Variants in TOX observed in about 807,000 individuals in gnomAD.
The protein encoded by TOX is thymocyte selection associated high mobility group box, also known as thymocyte selection-associated high mobility group box protein TOX.
In TOX, 11 loss-of-function variants were observed where a neutral mutation model predicts 53.7. That is an observed-to-expected ratio of 0.20 (90% confidence interval 0.13 to 0.34). The LOEUF (loss-of-function observed/expected upper bound fraction) is 0.34, where lower values mean the gene tolerates loss of function less well. Ranked by LOEUF, TOX falls within the 10% of genes least tolerant of loss-of-function variation. The pLI, the probability that TOX is intolerant of heterozygous loss-of-function variation, is 1.00. For missense variants in TOX, 570 were observed against 664.6 expected, an observed-to-expected ratio of 0.86 and a Z score of 1.56; for synonymous variants, 225 against 245.3, an observed-to-expected ratio of 0.92 and a Z score of 0.77.
chr8:58,957,844 A>G (rs1274542037), intron 2 of TOX, among the ~76,000 whole-genome samples: 1 of 152,190 alleles, frequency 6.6e-6, no homozygotes, highest in Non-Finnish European at 1.5e-5. Context: ...CTAAAATCTT[A>G]TTTATGGTTG....
At chr8:59,071,464 A>G (rs1461612415) in intron 1 of TOX, among the ~76,000 whole-genome samples, 1 of 152,216 alleles carries the variant, frequency 6.6e-6, no homozygotes, top group Non-Finnish European at 1.5e-5. Flanking sequence ...TCAAGTTCCA[A>G]CGGCAGCTTG....
At chr8:58,947,634 A>G (rs1812545762) in intron 2 of TOX, among the ~76,000 whole-genome samples, 1 of 152,222 alleles carries the variant, frequency 6.6e-6, no homozygotes, top group African/African-American at 2.4e-5. Context: ...TGTTATAAAG[A>G]TAGTGAATTA....
intron 1 of TOX, among the ~76,000 whole-genome samples, chr8:59,097,747 T>C (rs1215346611): frequency 2.0e-5 from 3 of 152,234 alleles, no homozygotes; most frequent in Non-Finnish European, 2.9e-5. Flanking sequence ...GAATTAAAGA[T>C]AATTTTAGAG....
intron 3 of TOX, among the ~76,000 whole-genome samples, chr8:58,862,770 T>C (rs545184484): frequency 1.3e-5 from 2 of 152,292 alleles, no homozygotes; most frequent in South Asian, 4.1e-4. Flanking sequence ...AGTAGGTCTT[T>C]AATCCTAAAT....
intron 1 of TOX, among the ~76,000 whole-genome samples, chr8:59,031,759 G>A (rs1303940027): frequency 6.6e-6 from 1 of 152,210 alleles, no homozygotes; most frequent in African/African-American, 2.4e-5. Context: ...GAGCGAGCAG[G>A]TTGGGCTGTG....
At chr8:59,052,148 T>C (rs745947624) in intron 1 of TOX, among the ~76,000 whole-genome samples, 3 of 152,200 alleles carry the variant, frequency 2.0e-5, no homozygotes, top group African/African-American at 7.2e-5. Context: ...CCTACTTTTA[T>C]ACAGAAACAA....
chr8:58,966,287 T>C (rs1812898117), intron 1 of TOX, among the ~76,000 whole-genome samples: 1 of 152,076 alleles, frequency 6.6e-6, no homozygotes, highest in African/African-American at 2.4e-5. Flanking sequence ...TGGATCACAC[T>C]GAAAGGAAAG....
At chr8:59,091,172 A>G (rs1179131428) in intron 1 of TOX, among the ~76,000 whole-genome samples, 1 of 151,966 alleles carries the variant, frequency 6.6e-6, no homozygotes, top group Non-Finnish European at 1.5e-5. Context: ...CAAAGCCTCA[A>G]TTCCTTCTCA....
At chr8:58,914,023 T>C (rs1443923982) in intron 3 of TOX, among the ~76,000 whole-genome samples, 1 of 152,180 alleles carries the variant, frequency 6.6e-6, no homozygotes, top group African/African-American at 2.4e-5. Context: ...CTGGCATCAT[T>C]TGGCAGTTGA....
At chr8:58,815,265 C>G in intron 7 of TOX, 73 bp downstream of exon 7, 1 of 1,508,236 alleles carries the variant, frequency 6.6e-7, no homozygotes, top group Non-Finnish European at 8.9e-7. Context: ...CCTGGATAAA[C>G]AGCTCCCCCC....
chr8:58,837,270 C>T (rs775197861), intron 5 of TOX, among the ~76,000 whole-genome samples: 13 of 152,164 alleles, frequency 8.5e-5, no homozygotes, highest in Non-Finnish European at 1.9e-4. Context: ...ACAGTTATTT[C>T]AATCACTTAT....
intron 1 of TOX, among the ~76,000 whole-genome samples, chr8:58,965,894 G>GTTTTTTTTTTTTTTTTTTTTTTTT (rs67045037): frequency 2.0e-5 from 1 of 49,630 alleles, no homozygotes; most frequent in Admixed American, 3.0e-4. Context: ...ACGAGTCATC[G>GTTTTTTTTTTTTTTTTTTTTTTTT]TTTTTTTTTT....
intron 1 of TOX, among the ~76,000 whole-genome samples, chr8:59,106,199 C>G (rs942457846): frequency 8.5e-5 from 13 of 152,104 alleles, no homozygotes; most frequent in South Asian, 2.1e-4. Context: ...TTCCCTCCCC[C>G]ACCCCAGGCC....
chr8:58,863,192 C>T (rs933154576), intron 3 of TOX, among the ~76,000 whole-genome samples: 11 of 152,116 alleles, frequency 7.2e-5, no homozygotes, highest in Admixed American at 2.0e-4. Context: ...ATATCTTTCA[C>T]ATTTTCAATC....
intron 1 of TOX, among the ~76,000 whole-genome samples, chr8:59,024,852 G>A (rs563848475): frequency 6.6e-6 from 1 of 152,196 alleles, no homozygotes; most frequent in Admixed American, 6.5e-5. Flanking sequence ...TCTTTTAAAA[G>A]TAAAATTATT....
At chr8:59,051,968 G>A (rs938263165) in intron 1 of TOX, among the ~76,000 whole-genome samples, 3 of 152,086 alleles carry the variant, frequency 2.0e-5, no homozygotes, top group African/African-American at 7.2e-5. Context: ...CCGAAGTTTT[G>A]ACTCTCTACT....
intron 1 of TOX, among the ~76,000 whole-genome samples, chr8:59,049,368 C>A (rs886942084): frequency 2.6e-5 from 4 of 152,104 alleles, no homozygotes; most frequent in African/African-American, 9.7e-5. Flanking sequence ...GTTTTATCTT[C>A]TGTTCTTTTT....
intron 1 of TOX, among the ~76,000 whole-genome samples, chr8:58,980,746 TA>T (rs970570513): frequency 3.9e-5 from 6 of 152,100 alleles, no homozygotes; most frequent in African/African-American, 1.4e-4. Context: ...TCTTCAAATC[TA>T]CCCACTCTTT....
chr8:58,877,900 G>T (rs1431073556), intron 3 of TOX, among the ~76,000 whole-genome samples: 7 of 151,696 alleles, frequency 4.6e-5, no homozygotes, highest in Admixed American at 1.3e-4. Flanking sequence ...AATTGATTTT[G>T]CTTACTCTTA....
Sources: gnomAD v4.1 joint callset for allele counts (sites outside exome capture counted in the v4.1 genomes callset) on GRCh38, gnomAD v4.1.1 for gene constraint, MANE v1.5 for transcripts, NCBI Gene and HGNC (gene_info 2026-07-23, HGNC 2026-07-21) for gene names.